The following DUOXA2 variants were observed in gnomAD, a reference collection of about 807,000 sequenced individuals.
The protein encoded by DUOXA2 is dual oxidase maturation factor 2.
DUOXA2 carries 22 observed loss-of-function variants against 27.6 expected under a neutral mutation model. The observed-to-expected ratio is 0.80, with a 90% CI of 0.57 to 1.14. The LOEUF is 1.14. Ranked by LOEUF, DUOXA2 falls within the 50% of genes most tolerant of loss-of-function variation. The probability of loss-of-function intolerance (pLI) is 0.00; values close to 1 mark genes in which losing one functional copy is unlikely to be tolerated. For missense variants in DUOXA2, 481 were observed against 419.9 expected, an observed-to-expected ratio of 1.15 and a Z score of -1.27; for synonymous variants, 188 against 184.4, an observed-to-expected ratio of 1.02 and a Z score of -0.16.
At chr15:45,117,412 G>T in intron 5 of DUOXA2, 107 bp downstream of exon 5, 2 of 1,512,144 alleles carry the variant, frequency 1.3e-6, no homozygotes, top group African/African-American at 2.8e-5. Context: ...TACCCTATTT[G>T]CCCCTCTCAA....
In DUOXA2 at chr15:45,114,661, G is replaced by A; in HGVS notation, c.56G>A (p.Gly19Asp). 6.2e-7 allele frequency: 1 copy of A among 1,614,228 alleles called. No individual in the cohort carries two copies. The highest frequency in any genetic ancestry group is 8.5e-7 in the Non-Finnish European group (1 of 1,180,032). Residue 19 changes from glycine to aspartate, a missense_variant, in exon 1 of 6, where the codon GGC (glycine) becomes GAC (aspartate). Coordinates refer to ENST00000323030, the MANE Select transcript of DUOXA2 (RefSeq NM_207581.4). ...PFYPQPRHAA[G>D]FSVPLLIVIL... is the part of the protein sequence containing the mutation. Reference sequence around the variant, plus strand: ...TACCCCCAGCCCCGGCATGCCGCAGGCTTCAGCGTTCCACTGCTCATCGTT... The same window carrying A: ...TACCCCCAGCCCCGGCATGCCGCAGACTTCAGCGTTCCACTGCTCATCGTT...
Position 45,114,406 on chromosome 15 carries a change from C to A in DUOXA2, c.-200C>A. ...CGCTCGCCGGCTAGAAAAACTCTGTCGGTACCAACCCCAGAGCGTTGAGAG... is the reference window on the plus strand; with the variant it reads ...CGCTCGCCGGCTAGAAAAACTCTGTAGGTACCAACCCCAGAGCGTTGAGAG... On this transcript the variant is annotated 5_prime_UTR_variant, in exon 1 of 6. Coordinates refer to ENST00000323030, the MANE Select transcript of DUOXA2 (RefSeq NM_207581.4). 1.5e-6 allele frequency: 1 copy of A among 649,200 alleles called. No homozygotes were observed. The highest frequency in any genetic ancestry group is 2.8e-5 in the East Asian group (1 of 36,228). 40.2% of individuals were successfully genotyped at this position (649,200 alleles called of 1,614,324 possible). A position where few individuals can be genotyped will look rare whatever the true frequency, so the allele number is the denominator to read the frequency against.
intron 1 of DUOXA2, chr15:45,115,569 G>A: frequency 1.5e-6 from 1 of 686,394 alleles, no homozygotes; most frequent in Non-Finnish European, 2.7e-6. Flanking sequence ...TGGGGGTGGA[G>A]GGGAGGTGCT....
At chr15:45,115,435 C>T (rs1350140001) in intron 1 of DUOXA2, 3 of 502,654 alleles carry the variant, frequency 6.0e-6, no homozygotes, top group African/African-American at 3.9e-5. Flanking sequence ...GGGAGGTGAC[C>T]CCTGCGTGCC....
At chr15:45,115,667 G>C (rs958906973) in intron 1 of DUOXA2, 132 bp from the exon 2 acceptor site, 25 of 1,100,712 alleles carry the variant, frequency 2.3e-5, no homozygotes, top group Non-Finnish European at 3.3e-5. Flanking sequence ...GGGACTTGCA[G>C]GAAAAGCGTG....
rs747006151 is a variant in DUOXA2 at position 45,117,277 on chromosome 15, C to T, written c.741C>T (p.Gly247=). Residue 247 remains glycine (G), a synonymous_variant, in exon 5 of 6, where the codon GGC becomes GGT. Coordinates refer to ENST00000323030, the MANE Select transcript of DUOXA2 (RefSeq NM_207581.4). ...CCTCCGCGCTCACCACTCAGTACGG[C>T]GCCGCCTTCTGGGTCACGCTGGCAA... ...LGSSALTTQY[G]AAFWVTLATG... is the part of the protein sequence containing the mutation. The T allele has an allele frequency of 2.5e-6, 4 of 1,603,076 alleles. No individual in the cohort carries two copies. The highest frequency in any genetic ancestry group is 1.7e-5 in the Admixed American group (1 of 59,536).
chr15:45,115,912 G>A, intron 2 of DUOXA2, 56 bp downstream of exon 2: 1 of 1,610,852 alleles, frequency 6.2e-7, no homozygotes, highest in Non-Finnish European at 8.5e-7. Flanking sequence ...GAGGTGGGCA[G>A]AGGGCACCTG....
At chr15:45,115,239 A>C in intron 1 of DUOXA2, 1 of 356,550 alleles carries the variant, frequency 2.8e-6, no homozygotes, top group Admixed American at 3.8e-5. Flanking sequence ...AGTTGGAGCC[A>C]ACTGGGTGCA....
chr15:45,118,117 C>A lies in DUOXA2; in HGVS notation c.*208C>A. 1 of 1,456,200 alleles carries A rather than the reference C, an allele frequency of 6.9e-7. No individual in the cohort carries two copies. The highest frequency in any genetic ancestry group is 1.4e-5 in the South Asian group (1 of 70,090). 90.2% of individuals were successfully genotyped at this position (1,456,200 alleles called of 1,614,324 possible). On this transcript the variant is annotated 3_prime_UTR_variant, in exon 6 of 6. Coordinates refer to ENST00000323030, the MANE Select transcript of DUOXA2 (RefSeq NM_207581.4). The stretch of plus-strand genomic sequence containing the variant: ...TTTGTTTTTTAAAAACTGTTTTTCC[C>A]ATTAATTTTCATGGCTTCTCCGCGC...
intron 4 of DUOXA2, 160 bp from the exon 5 acceptor site, chr15:45,116,931 A>G (rs1270495986): frequency 4.7e-6 from 5 of 1,062,334 alleles, no homozygotes; most frequent in African/African-American, 1.6e-5. Flanking sequence ...CACCGCCTGG[A>G]CCTCAGGAGC....
chr15:45,116,835 C>T, intron 4 of DUOXA2, 106 bp downstream of exon 4: 1 of 1,369,776 alleles, frequency 7.3e-7, no homozygotes, highest in South Asian at 1.2e-5. Context: ...TGCAGCCAGA[C>T]CCGACGCGCT....
At position 45,114,335 on chromosome 15, in the gene DUOXA2, C is replaced by A; in HGVS notation, c.-271C>A. 2 of 517,770 alleles carry A rather than the reference C, an allele frequency of 3.9e-6. No individual in the cohort carries two copies. Among genetic ancestry groups the A allele is most frequent in the Non-Finnish European group, 7.0e-6 (2 of 285,826 alleles). The allele number at this position is 517,770 out of a possible 1,614,324, so 32.1% of individuals were successfully genotyped here. ...CGCGACTTCCAAACTCAGCGCCAAC[C>A]CGCAGAACCAGGAAAGTAACGGCTA... On this transcript the variant is annotated 5_prime_UTR_variant, in exon 1 of 6. Coordinates refer to ENST00000323030, the MANE Select transcript of DUOXA2 (RefSeq NM_207581.4).
In DUOXA2 at chr15:45,117,903, C is replaced by A. The variant is rs776867354; in HGVS notation, c.957C>A (p.Asn319Lys). The change falls in exon 6 of 6, where the codon AAC (asparagine) becomes AAA (lysine). Residue 319 changes from asparagine (N) to lysine (K), a missense_variant. By Grantham distance (94) the Asn-to-Lys change is moderately conservative. Transcript: ENST00000323030. ...ALPDLKCITTNL is the reference protein window; with the variant it reads ...ALPDLKCITTKL Reference sequence around the variant, plus strand: ...CAGACTTAAAATGTATCACCACTAACCTGTGAGGGGGACCCAATCTGGACT... The same window carrying A: ...CAGACTTAAAATGTATCACCACTAAACTGTGAGGGGGACCCAATCTGGACT... 6.2e-7 allele frequency: 1 copy of A among 1,613,400 alleles called. No individual in the cohort carries two copies. Among genetic ancestry groups the A allele is most frequent in the South Asian group, 1.1e-5 (1 of 91,082 alleles).
At chr15:45,115,630 A>G in intron 1 of DUOXA2, 169 bp from the exon 2 acceptor site, 1 of 841,590 alleles carries the variant, frequency 1.2e-6, no homozygotes, top group Non-Finnish European at 2.0e-6. Context: ...CGTGGTCACA[A>G]AATATCAGAA....
At chr15:45,117,423 T>C in intron 5 of DUOXA2, 118 bp downstream of exon 5, 1 of 1,521,226 alleles carries the variant, frequency 6.6e-7, no homozygotes, top group Non-Finnish European at 8.9e-7. Flanking sequence ...CCCCTCTCAA[T>C]AGTTCGCAGA....
At chr15:45,114,794 C>G in intron 1 of DUOXA2, 42 bp downstream of exon 1, 1 of 1,613,950 alleles carries the variant, frequency 6.2e-7, no homozygotes, top group Non-Finnish European at 8.5e-7. Context: ...GGGGAAGGCT[C>G]ATGGGCAGAT....
chr15:45,115,264 C>T (rs1193850672), intron 1 of DUOXA2: 6 of 363,088 alleles, frequency 1.7e-5, no homozygotes, highest in South Asian at 1.0e-4. Flanking sequence ...CTTAGACTTT[C>T]CCCCTCTCCC....
intron 3 of DUOXA2, 27 bp downstream of exon 3, chr15:45,116,285 C>T: frequency 1.2e-6 from 2 of 1,612,104 alleles, no homozygotes; most frequent in Non-Finnish European, 1.7e-6. Context: ...TAAATGAACT[C>T]CTGGAGCTGG....
chr15:45,117,216 T>C lies in DUOXA2; in HGVS notation c.680T>C (p.Ile227Thr). 1 of 1,609,966 alleles carries C rather than the reference T, an allele frequency of 6.2e-7. No individual in the cohort carries two copies. The highest frequency in any genetic ancestry group is 8.5e-7 in the Non-Finnish European group (1 of 1,179,792). ...ALFGVFALAS[I>T]SSVPLCPLRL... is the part of the protein sequence containing the mutation. Reference sequence around the variant, plus strand: ...TTCGGGGTCTTCGCCTTGGCCTCCATCTCTAGCGTGCCGCTCTGCCCGCTC... The same window carrying C: ...TTCGGGGTCTTCGCCTTGGCCTCCACCTCTAGCGTGCCGCTCTGCCCGCTC... Residue 227 changes from isoleucine to threonine, a missense_variant, in exon 5 of 6, where the codon ATC becomes ACC. Ile to Thr is a moderately conservative substitution (Grantham distance 89). Coordinates refer to ENST00000323030, the MANE Select transcript of DUOXA2 (RefSeq NM_207581.4).
Sources: allele counts gnomAD v4.1 joint callset, GRCh38; gene constraint gnomAD v4.1.1; transcripts MANE v1.5; gene names NCBI Gene and HGNC (gene_info 2026-07-23, HGNC 2026-07-21).